VOPP1: variants seen among roughly 807,000 people sequenced by gnomAD.
The protein encoded by VOPP1 is VOPP1 WW domain binding protein.
In VOPP1, 8 loss-of-function variants were observed where a neutral mutation model predicts 23.5. The observed-to-expected ratio is 0.34, with a 90% CI of 0.20 to 0.61. The LOEUF is 0.61. VOPP1 is among the 20% of genes least tolerant of loss of function. VOPP1 has a pLI of 0.78. For synonymous variants in VOPP1, 83 were observed against 97.3 expected, an observed-to-expected ratio of 0.85 and a Z score of 0.86; for missense variants, 174 against 238.1, an observed-to-expected ratio of 0.73 and a Z score of 1.77.
At chr7:55,482,408 CG>C (rs1792794911) in intron 4 of VOPP1, among the ~76,000 whole-genome samples, 1 of 146,356 alleles carries the variant, frequency 6.8e-6, no homozygotes, top group Non-Finnish European at 1.5e-5. Context: ...AGTGCAGTGG[CG>C]CTATCTAGGC....
chr7:55,467,471 G>A (rs917445583), downstream of VOPP1, among the ~76,000 whole-genome samples: 3 of 152,156 alleles, frequency 2.0e-5, no homozygotes, highest in Non-Finnish European at 1.5e-5. Context: ...CTCCTCCCTC[G>A]CCAGCCACCT....
intron 1 of VOPP1, among the ~76,000 whole-genome samples, chr7:55,540,521 G>C (rs138825599): frequency 1.0e-3 from 153 of 152,296 alleles, no homozygotes; most frequent in African/African-American, 3.6e-3. Flanking sequence ...TGTGCCCTCA[G>C]GGAGGCTGCC....
chr7:55,468,255 G>A (rs1447624525), downstream of VOPP1, among the ~76,000 whole-genome samples: 2 of 142,648 alleles, frequency 1.4e-5, no homozygotes, highest in Admixed American at 7.4e-5. Flanking sequence ...TGGCGACAGA[G>A]CAAGACTTCG....
chr7:55,527,227 A>G (rs1796241087), intron 1 of VOPP1, among the ~76,000 whole-genome samples: 1 of 152,160 alleles, frequency 6.6e-6, no homozygotes, highest in South Asian at 2.1e-4. Context: ...CCTAAATGCT[A>G]ATTACTTAAT....
intron 1 of VOPP1, among the ~76,000 whole-genome samples, chr7:55,522,738 C>T (rs1032938110): frequency 3.9e-5 from 6 of 152,196 alleles, no homozygotes; most frequent in African/African-American, 1.2e-4. Flanking sequence ...AGGGCTGCTC[C>T]GCAGAGACAG....
chr7:55,502,189 C>T lies in VOPP1; in HGVS notation c.114-4499G>A, dbSNP rs143004438. On this transcript the variant is annotated intron_variant, in intron 2 of 4. Coordinates refer to ENST00000285279, the MANE Select transcript of VOPP1 (RefSeq NM_030796.5). ...AGAGAGCAGACTACCAGCTTTCAGA[C>T]ATATGTAGAGCCCTCGTCCAGAATT... Among the ~76,000 whole-genome samples the T allele has an allele frequency of 1.2e-3, 187 of 152,368 alleles. 1 individual carries two copies. The highest frequency in any genetic ancestry group is 4.2e-3 in the African/African-American group (175 of 41,594).
chr7:55,441,673 G>A (rs1375659671), intron 4 of VOPP1, among the ~76,000 whole-genome samples: 1 of 152,212 alleles, frequency 6.6e-6, no homozygotes, highest in Non-Finnish European at 1.5e-5. Context: ...GGAACTGCTT[G>A]CTTCTGTAGC....
chr7:55,473,094 C>T, intron 4 of VOPP1, 49 bp from the exon 5 acceptor site: 2 of 1,566,216 alleles, frequency 1.3e-6, no homozygotes, highest in Non-Finnish European at 1.7e-6. Flanking sequence ...AGCCCCATCA[C>T]ACCGCAAGTA....
downstream of VOPP1, among the ~76,000 whole-genome samples, chr7:55,468,162 TCAGGAGGCTGAGG>T (rs1210303472): frequency 7.4e-5 from 11 of 149,562 alleles, no homozygotes; most frequent in Non-Finnish European, 1.5e-4. Flanking sequence ...TCCCAGCTAG[TCAGGAGGCTGAGG>T]CAGGAGAATC....
intron 2 of VOPP1, among the ~76,000 whole-genome samples, chr7:55,512,732 G>A (rs750407267): frequency 2.0e-5 from 3 of 152,136 alleles, no homozygotes; most frequent in African/African-American, 4.8e-5. Flanking sequence ...CCTCTTCCAC[G>A]CATCCTGGAA....
intron 4 of VOPP1, among the ~76,000 whole-genome samples, chr7:55,436,528 A>C (rs1041615273): frequency 6.6e-6 from 1 of 151,958 alleles, no homozygotes; most frequent in Non-Finnish European, 1.5e-5. Context: ...GTCCTACTTC[A>C]AAGTCTCATG....
intron 2 of VOPP1, among the ~76,000 whole-genome samples, chr7:55,513,215 T>C (rs1264566547): frequency 1.3e-5 from 2 of 152,036 alleles, no homozygotes; most frequent in Non-Finnish European, 2.9e-5. Flanking sequence ...GGACAGGCCC[T>C]GCCTCCCTCA....
chr7:55,536,901 C>G (rs533244778), intron 1 of VOPP1, among the ~76,000 whole-genome samples: 1 of 152,268 alleles, frequency 6.6e-6, no homozygotes, highest in South Asian at 2.1e-4. Context: ...ATGCAAGAGA[C>G]AGTGAACAGA....
chr7:55,461,726 A>G (rs991816430), intron 4 of VOPP1, among the ~76,000 whole-genome samples: 4 of 152,198 alleles, frequency 2.6e-5, no homozygotes, highest in South Asian at 2.1e-4. Context: ...CAGCTAGTCT[A>G]TATCTTTCAA....
At chr7:55,539,179 C>T (rs1340720377) in intron 1 of VOPP1, among the ~76,000 whole-genome samples, 5 of 152,032 alleles carry the variant, frequency 3.3e-5, no homozygotes, top group African/African-American at 1.2e-4. Flanking sequence ...CCCCCTCCTC[C>T]ACTAAAAATA....
chr7:55,470,095 T>C (rs1250515370), downstream of VOPP1, among the ~76,000 whole-genome samples: 1 of 152,138 alleles, frequency 6.6e-6, no homozygotes, highest in Non-Finnish European at 1.5e-5. Flanking sequence ...GCAAACATTA[T>C]GTCAATTAGT....
intron 4 of VOPP1, among the ~76,000 whole-genome samples, chr7:55,459,139 T>C (rs1257098529): frequency 1.3e-5 from 2 of 152,260 alleles, no homozygotes; most frequent in South Asian, 4.1e-4. Flanking sequence ...GAGATAATCA[T>C]AAAGTTTTTT....
intron 2 of VOPP1, among the ~76,000 whole-genome samples, chr7:55,516,499 T>C (rs1795416053): frequency 6.6e-6 from 1 of 152,190 alleles, no homozygotes; most frequent in South Asian, 2.1e-4. Context: ...AAAACCTACA[T>C]TTCATTAAAA....
intron 1 of VOPP1, among the ~76,000 whole-genome samples, chr7:55,549,355 T>C (rs1797503107): frequency 6.6e-6 from 1 of 152,144 alleles, no homozygotes; most frequent in South Asian, 2.1e-4. Context: ...TCCCTTGAAC[T>C]AGGCAGACTG....
Sources: gnomAD v4.1 joint callset for allele counts (sites outside exome capture counted in the v4.1 genomes callset) on GRCh38, gnomAD v4.1.1 for gene constraint, MANE v1.5 for transcripts, NCBI Gene and HGNC (gene_info 2026-07-23, HGNC 2026-07-21) for gene names.